The following RYR2 variants were observed in gnomAD, a reference collection of about 807,000 sequenced individuals.
RYR2 encodes ryanodine receptor 2.
Under a neutral mutation model 601.1 loss-of-function variants are expected in RYR2, and 227 were observed. That is an observed-to-expected ratio of 0.38 (90% CI 0.34 to 0.42). The LOEUF (loss-of-function observed/expected upper bound fraction) is 0.42. RYR2 is among the 10% of genes least tolerant of loss of function. The pLI is 1.00. For missense variants in RYR2, 4,646 were observed against 6,156.5 expected (o/e 0.75, Z 8.21); for synonymous variants, 2,223 against 2,175.1 (o/e 1.02, Z -0.61).
intron 10 of RYR2, among the ~76,000 whole-genome samples, chr1:237,397,244 AAAAG>A (rs887079596): frequency 3.9e-5 from 6 of 152,250 alleles, no homozygotes; most frequent in East Asian, 1.9e-4. Flanking sequence ...TCAAAAAAAA[AAAAG>A]AAAGAAAAGA....
intron 1 of RYR2, among the ~76,000 whole-genome samples, chr1:237,248,282 G>GCCCCCCCCCCCCCCCCC (rs1171897382): frequency 7.1e-5 from 1 of 14,066 alleles, no homozygotes. Context: ...CCGCAACCCC[G>GCCCCCCCCCCCCCCCCC]CCCCCCCCCC....
intron 32 of RYR2, 85 bp downstream of exon 32, chr1:237,591,938 A>G (rs559325104): frequency 9.0e-6 from 8 of 890,928 alleles, no homozygotes; most frequent in African/African-American, 3.4e-5. Flanking sequence ...GATTCATCAT[A>G]CTTAGTAACA....
At chr1:237,666,312 A>C (rs1246556198) in intron 56 of RYR2, among the ~76,000 whole-genome samples, 200 bp from the exon 57 acceptor site, 1 of 152,248 alleles carries the variant, frequency 6.6e-6, no homozygotes, top group Non-Finnish European at 1.5e-5. Flanking sequence ...CAGAATTATC[A>C]ATCATAAATC....
chr1:237,110,036 G>A (rs529974647), intron 1 of RYR2, among the ~76,000 whole-genome samples: 2 of 152,204 alleles, frequency 1.3e-5, no homozygotes, highest in East Asian at 1.9e-4. Context: ...CTTTCTAACC[G>A]TGGAAATGTT....
At chr1:237,168,443 A>G (rs755280691) in intron 1 of RYR2, among the ~76,000 whole-genome samples, 3 of 152,132 alleles carry the variant, frequency 2.0e-5, no homozygotes, top group Admixed American at 6.5e-5. Flanking sequence ...CTATCTTCTC[A>G]TAACTCTGCT....
intron 37 of RYR2, among the ~76,000 whole-genome samples, chr1:237,615,334 G>C (rs1226462610): frequency 6.6e-6 from 1 of 152,096 alleles, no homozygotes; most frequent in Non-Finnish European, 1.5e-5. Flanking sequence ...TGGGACTGTA[G>C]GTATGCCACC....
At chr1:237,549,552 A>C (rs974801582) in intron 26 of RYR2, among the ~76,000 whole-genome samples, 2 of 151,846 alleles carry the variant, frequency 1.3e-5, no homozygotes, top group African/African-American at 4.8e-5. Flanking sequence ...AAAAACAACA[A>C]AACAACAACA....
chr1:237,117,820 A>G (rs555108966), intron 1 of RYR2, among the ~76,000 whole-genome samples: 1 of 151,924 alleles, frequency 6.6e-6, no homozygotes, highest in African/African-American at 2.4e-5. Flanking sequence ...ATCTCGGCTC[A>G]CTGCAAGCTC....
At position 237,698,992 on chromosome 1, in the gene RYR2, G is replaced by C; in HGVS notation, c.9095G>C (p.Cys3032Ser). 3.2e-6 allele frequency: 5 copies of C among 1,556,986 alleles called. No homozygotes were observed. The highest frequency in any genetic ancestry group is 3.5e-6 in the Non-Finnish European group (4 of 1,146,228). Residue 3032 changes from cysteine to serine, a missense_variant, in exon 64 of 105, where the codon TGT becomes TCT. Physicochemically the swap from Cys to Ser is moderately radical, Grantham distance 112. Coordinates refer to ENST00000366574, the MANE Select transcript of RYR2 (RefSeq NM_001035.3). Reference sequence around the variant, plus strand: ...AATGATGCAACATCAATTGTCAACTGTCTTCATATTTTGGGTCAGACTTTG... The same window carrying C: ...AATGATGCAACATCAATTGTCAACTCTCTTCATATTTTGGGTCAGACTTTG... ...FGNDATSIVN[C>S]LHILGQTLDA...
intron 1 of RYR2, among the ~76,000 whole-genome samples, chr1:237,097,854 T>C (rs540881906): frequency 5.1e-4 from 78 of 152,304 alleles, no homozygotes; most frequent in African/African-American, 1.9e-3. Flanking sequence ...AAGCCTCATA[T>C]GCTGTGATGT....
chr1:237,297,535 AT>A (rs147165527), intron 2 of RYR2, among the ~76,000 whole-genome samples: 1 of 152,108 alleles, frequency 6.6e-6, no homozygotes, highest in Admixed American at 6.6e-5. Context: ...GTTTAAAAAC[AT>A]TTTTTGTGAA....
chr1:237,065,416 A>T (rs1663470613), intron 1 of RYR2, among the ~76,000 whole-genome samples: 2 of 150,310 alleles, frequency 1.3e-5, no homozygotes, highest in Admixed American at 1.3e-4. Context: ...AGTAGCTGGG[A>T]TTAGAGGCAC....
chr1:237,414,230 C>T (rs868671897), intron 10 of RYR2, among the ~76,000 whole-genome samples: 1 of 151,940 alleles, frequency 6.6e-6, no homozygotes, highest in African/African-American at 2.4e-5. Flanking sequence ...TTTTGTCATT[C>T]AGTCTTACTT....
intron 1 of RYR2, among the ~76,000 whole-genome samples, chr1:237,126,378 G>A (rs919068412): frequency 2.6e-5 from 4 of 152,188 alleles, no homozygotes; most frequent in Admixed American, 6.5e-5. Context: ...CAAACCTACC[G>A]TCTACTGGGG....
rs768241033 is a variant in RYR2, at chr1:237,493,029, A to C, written c.1903A>C (p.Asn635His). 3.1e-6 allele frequency: 5 copies of C among 1,612,928 alleles called. No individual in the cohort carries two copies. In the South Asian group the frequency reaches 4.4e-5, roughly 14 times the overall value. ...VRSNQHLICDNLLPGRDLLLQ... is the reference protein window; with the variant it reads ...VRSNQHLICDHLLPGRDLLLQ... The stretch of plus-strand genomic sequence containing the variant: ...TTCTAACCAGCATCTCATCTGTGAC[A>C]ATCTCCTACCAGGAAGAGACTTGTT... The change falls in exon 19 of 105, where the codon AAT (asparagine) becomes CAT (histidine). Residue 635 changes from asparagine to histidine, a missense_variant. Physicochemically the swap from Asn to His is moderately conservative, Grantham distance 68 (BLOSUM62 1). This residue lies in a region of RYR2 where 1,807 missense variants were observed against 2,088.1 expected (regional missense o/e 0.87). Transcript: ENST00000366574.
chr1:237,717,068 C>G, intron 71 of RYR2, 130 bp from the exon 72 acceptor site: 1 of 735,428 alleles, frequency 1.4e-6, no homozygotes, highest in Non-Finnish European at 2.2e-6. Flanking sequence ...ATTCTCAAAA[C>G]AGGAGGATTT....
At chr1:237,623,182 G>C (rs1679247872) in intron 38 of RYR2, among the ~76,000 whole-genome samples, 1 of 152,060 alleles carries the variant, frequency 6.6e-6, no homozygotes, top group Non-Finnish European at 1.5e-5. Flanking sequence ...ACATATTGTG[G>C]ACTTGAGAAA....
chr1:237,295,619 G>A (rs543058252), intron 2 of RYR2, among the ~76,000 whole-genome samples: 1 of 152,152 alleles, frequency 6.6e-6, no homozygotes, highest in Non-Finnish European at 1.5e-5. Context: ...ATGAAGTTCT[G>A]GAGTATTTTA....
In RYR2 at chr1:237,708,865, C is replaced by T. The variant is rs1437925986; in HGVS notation, c.9909C>T (p.Ser3303=). 2.5e-6 allele frequency: 4 copies of T among 1,609,198 alleles called. No homozygotes were observed. The highest frequency in any genetic ancestry group is 2.2e-5 in the East Asian group (1 of 44,822). ...GAWMKRLAVF[S]QPIINKVKPQ... ...ATGTCTGTCTTTAAACAGTGTTTTC[C>T]CAGCCTATAATAAATAAAGTGAAAC... is the stretch of plus-strand genomic sequence containing the variant. The change falls in exon 69 of 105, where the codon TCC becomes TCT. Residue 3303 remains serine, a synonymous_variant. Coordinates refer to ENST00000366574, the MANE Select transcript of RYR2 (RefSeq NM_001035.3).
Sources: allele counts gnomAD v4.1 joint callset (sites outside exome capture counted in the v4.1 genomes callset), GRCh38; gene constraint gnomAD v4.1.1; regional missense constraint gnomAD v4.1.1; transcripts MANE v1.5; gene names NCBI Gene and HGNC (gene_info 2026-07-23, HGNC 2026-07-21).